Variants in ADAMTS17 observed in about 807,000 individuals in gnomAD.
The protein encoded by ADAMTS17 is ADAM metallopeptidase with thrombospondin type 1 motif 17.
In ADAMTS17, 113 loss-of-function variants were observed where a neutral mutation model predicts 141.5. The observed-to-expected ratio is 0.80, with a 90% CI of 0.69 to 0.93. The LOEUF is 0.93. Among genes scored for constraint, ADAMTS17 ranks in the 40% least tolerant of loss-of-function variants. ADAMTS17 has a pLI of 0.00. For synonymous variants in ADAMTS17, 768 were observed against 630.6 expected (o/e 1.22, Z -3.27); for missense variants, 1,659 against 1,517.9 (o/e 1.09, Z -1.54).
At chr15:100,087,062 T>C (rs1425229458) in intron 15 of ADAMTS17, among the ~76,000 whole-genome samples, 1 of 152,136 alleles carries the variant, frequency 6.6e-6, no homozygotes, top group African/African-American at 2.4e-5. Context: ...AGCTGATTTT[T>C]TGAAAAGATC....
chr15:100,337,501 C>T (rs1183379234), intron 2 of ADAMTS17, among the ~76,000 whole-genome samples: 2 of 152,238 alleles, frequency 1.3e-5, no homozygotes, highest in African/African-American at 4.8e-5. Context: ...CTGACCTTCT[C>T]ACAGTCCTTC....
intron 7 of ADAMTS17, among the ~76,000 whole-genome samples, chr15:100,252,874 A>G (rs2043196683): frequency 6.6e-6 from 1 of 152,256 alleles, no homozygotes; most frequent in Non-Finnish European, 1.5e-5. Flanking sequence ...AGCTATCATT[A>G]TATTAGATTT....
intron 7 of ADAMTS17, among the ~76,000 whole-genome samples, chr15:100,242,352 C>A (rs1462562656): frequency 6.6e-6 from 1 of 152,208 alleles, no homozygotes; most frequent in Non-Finnish European, 1.5e-5. Flanking sequence ...TGTCCAAAAA[C>A]ATCAGTGGTA....
At chr15:100,123,669 A>G (rs922208310) in intron 12 of ADAMTS17, among the ~76,000 whole-genome samples, 8 of 152,246 alleles carry the variant, frequency 5.3e-5, no homozygotes, top group African/African-American at 1.9e-4. Context: ...CATTAAATCC[A>G]CATGCAGAAT....
intron 7 of ADAMTS17, among the ~76,000 whole-genome samples, chr15:100,205,817 G>A (rs544898230): frequency 8.5e-5 from 13 of 152,330 alleles, no homozygotes; most frequent in African/African-American, 2.4e-4. Flanking sequence ...AGACAAAGGC[G>A]GTAGAAAGGT....
chr15:100,166,669 G>C (rs2039963165), intron 8 of ADAMTS17, among the ~76,000 whole-genome samples: 6 of 152,226 alleles, frequency 3.9e-5, no homozygotes, highest in Admixed American at 3.9e-4. Flanking sequence ...TGTTAAGCAA[G>C]GTTCCTAAAC....
intron 18 of ADAMTS17, among the ~76,000 whole-genome samples, chr15:100,039,835 A>G (rs888123008): frequency 6.6e-6 from 1 of 152,152 alleles, no homozygotes; most frequent in Admixed American, 6.5e-5. Flanking sequence ...GTCTCCAGTT[A>G]TTACTGTTAG....
intron 17 of ADAMTS17, among the ~76,000 whole-genome samples, chr15:100,050,726 T>C (rs761684312): frequency 5.3e-4 from 81 of 152,206 alleles, no homozygotes; most frequent in Admixed American, 1.8e-3. Flanking sequence ...TCCACTCCAT[T>C]ATCCAACTCT....
chr15:100,079,204 T>C (rs944444934), intron 15 of ADAMTS17, among the ~76,000 whole-genome samples: 1 of 152,174 alleles, frequency 6.6e-6, no homozygotes, highest in Admixed American at 6.5e-5. Context: ...CCCAGGTATA[T>C]ACACAAGGGA....
At chr15:100,067,661 T>A (rs1198894624) in intron 15 of ADAMTS17, among the ~76,000 whole-genome samples, 1 of 152,238 alleles carries the variant, frequency 6.6e-6, no homozygotes, top group Non-Finnish European at 1.5e-5. Context: ...TTTACCCTGC[T>A]TGGATGACTT....
chr15:100,004,366 A>AC (rs1567666636), intron 18 of ADAMTS17, among the ~76,000 whole-genome samples: 3 of 151,850 alleles, frequency 2.0e-5, no homozygotes, highest in African/African-American at 4.8e-5. Flanking sequence ...ATTTCACCCA[A>AC]CCCCCCCTGG....
At chr15:100,305,561 G>C (rs527934727) in intron 3 of ADAMTS17, among the ~76,000 whole-genome samples, 1 of 152,364 alleles carries the variant, frequency 6.6e-6, no homozygotes, top group Non-Finnish European at 1.5e-5. Flanking sequence ...GGTGCACCCA[G>C]GGGCTCACAG....
At chr15:100,307,046 C>A (rs1163242713) in intron 3 of ADAMTS17, among the ~76,000 whole-genome samples, 1 of 152,158 alleles carries the variant, frequency 6.6e-6, no homozygotes, top group East Asian at 1.9e-4. Flanking sequence ...AGTCTGGGTT[C>A]AGGAGAAAAA....
In ADAMTS17 at chr15:100,317,511, C is replaced by T. The variant is rs529044778; in HGVS notation, c.616+13378G>A. Among the ~76,000 whole-genome samples the T allele has an allele frequency of 7.9e-5, 12 of 152,214 alleles. No homozygotes were observed. In the East Asian group the frequency reaches 2.3e-3, roughly 30 times the overall value. ...CCAGGATGGACCCTCGCTCAGCTGA[C>T]CCCTAACATCAGCTCCAGATCCCTC... On this transcript the variant is annotated intron_variant, in intron 3 of 21. Coordinates refer to ENST00000268070, the MANE Select transcript of ADAMTS17 (RefSeq NM_139057.4).
intron 3 of ADAMTS17, among the ~76,000 whole-genome samples, chr15:100,323,012 G>A (rs62038107): frequency 0.35 from 52,209 of 150,344 alleles, 9,680 homozygotes; most frequent in South Asian, 0.49. Flanking sequence ...GCATGGACCC[G>A]GGAGGCGGAG....
chr15:100,068,252 G>T (rs545421819), intron 15 of ADAMTS17, among the ~76,000 whole-genome samples: 1 of 152,172 alleles, frequency 6.6e-6, no homozygotes, highest in Admixed American at 6.5e-5. Context: ...CAAAGCCACC[G>T]GGAAGCTCGA....
At chr15:100,021,752 G>A (rs761765366) in intron 18 of ADAMTS17, among the ~76,000 whole-genome samples, 2 of 152,212 alleles carry the variant, frequency 1.3e-5, no homozygotes, top group Non-Finnish European at 2.9e-5. Context: ...GTAGATGAAG[G>A]TAAGGGGAAC....
intron 7 of ADAMTS17, among the ~76,000 whole-genome samples, chr15:100,237,561 G>A (rs776870842): frequency 5.3e-5 from 8 of 152,226 alleles, no homozygotes; most frequent in Non-Finnish European, 1.2e-4. Flanking sequence ...CCTCACAGCA[G>A]TCCCGTGGGG....
In ADAMTS17 at chr15:100,281,232, G is replaced by A; in HGVS notation, c.786C>T (p.Asn262=). The change falls in exon 4 of 22, where the codon AAC becomes AAT. Residue 262 remains asparagine (N), a synonymous_variant. Coordinates refer to ENST00000268070, the MANE Select transcript of ADAMTS17 (RefSeq NM_139057.4). The part of the protein sequence containing the change: ...AAQRFILTVM[N]MVYNMFQHQS... Reference sequence around the variant, plus strand: ...AGGACCCCGGCTCCGGACTCACCATGTTCATGACGGTCAGGATGAACCTCT... The same window carrying A: ...AGGACCCCGGCTCCGGACTCACCATATTCATGACGGTCAGGATGAACCTCT... 2 of 1,604,760 alleles carry A rather than the reference G, an allele frequency of 1.2e-6. No individual in the cohort carries two copies. Among genetic ancestry groups the A allele is most frequent in the Non-Finnish European group, 1.7e-6 (2 of 1,179,968 alleles).
Sources: allele counts gnomAD v4.1 joint callset (sites outside exome capture counted in the v4.1 genomes callset), GRCh38; gene constraint gnomAD v4.1.1; transcripts MANE v1.5; gene names NCBI Gene and HGNC (gene_info 2026-07-23, HGNC 2026-07-21).